The following PCLO variants were observed in gnomAD, a reference collection of about 807,000 sequenced individuals.
PCLO encodes the protein protein piccolo.
In PCLO, 82 loss-of-function variants were observed where a neutral mutation model predicts 427.5. That is an observed-to-expected ratio of 0.19 (90% CI 0.16 to 0.23). The LOEUF is 0.23. Ranked by LOEUF, PCLO falls within the 10% of genes least tolerant of loss-of-function variation. The probability of loss-of-function intolerance (pLI) is 1.00; values close to 1 mark genes in which losing one functional copy is unlikely to be tolerated. For synonymous variants in PCLO, 2,357 were observed against 2,155.4 expected, an observed-to-expected ratio of 1.09 and a Z score of -2.59; for missense variants, 6,239 against 6,115.9, an observed-to-expected ratio of 1.02 and a Z score of -0.67.
chr7:82,998,140 GA>G lies in PCLO; in HGVS notation c.3301-31654del, dbSNP rs531922177. Among the ~76,000 whole-genome samples the G allele has an allele frequency of 2.2e-4, 34 of 152,076 alleles. 1 individual carries two copies. The South Asian group carries it at 6.6e-3, about 30-fold the overall frequency. ...TCTACGGAAACCAGTACTGGGGCTG[GA>G]AAACCTGAACTTTAATTGACAAATT... On this transcript the variant is annotated intron_variant, in intron 3 of 24. Coordinates refer to ENST00000333891, the MANE Select transcript of PCLO (RefSeq NM_033026.6).
intron 9 of PCLO, among the ~76,000 whole-genome samples, chr7:82,887,751 T>A (rs896891424): frequency 6.6e-6 from 1 of 152,200 alleles, no homozygotes; most frequent in Non-Finnish European, 1.5e-5. Context: ...AGATTCAATC[T>A]GAGCTTTACT....
chr7:83,162,642 A>G lies in PCLO; in HGVS notation c.-50T>C. 2 of 1,483,134 alleles carry G rather than the reference A, an allele frequency of 1.3e-6. No individual in the cohort carries two copies. The highest frequency in any genetic ancestry group is 1.8e-6 in the Non-Finnish European group (2 of 1,121,814). 91.9% of individuals were successfully genotyped at this position (1,483,134 alleles called of 1,614,324 possible). A position where few individuals can be genotyped will look rare whatever the true frequency, so the allele number is the denominator to read the frequency against. On this transcript the variant is annotated 5_prime_UTR_variant, in exon 1 of 25. Transcript: ENST00000333891. ...GCGCTCCCTCCTCGCGCCGCGTCCCAGTCGAGAAGCCCGCGGCCAGGGGAG... is the reference window on the plus strand; with the variant it reads ...GCGCTCCCTCCTCGCGCCGCGTCCCGGTCGAGAAGCCCGCGGCCAGGGGAG...
intron 3 of PCLO, among the ~76,000 whole-genome samples, chr7:83,043,829 A>G (rs1789029773): frequency 6.6e-6 from 1 of 151,816 alleles, no homozygotes; most frequent in Non-Finnish European, 1.5e-5. Flanking sequence ...TTACTTTCCA[A>G]TTATAGAAGA....
intron 3 of PCLO, among the ~76,000 whole-genome samples, chr7:83,088,482 A>C (rs897485642): frequency 2.6e-5 from 4 of 152,176 alleles, no homozygotes; most frequent in Non-Finnish European, 5.9e-5. Flanking sequence ...CCTGTATCTC[A>C]TCCACTTCAT....
rs181353959 is a variant in PCLO at position 83,113,876 on chromosome 7, T to C, written c.3300+20374A>G. On this transcript the variant is annotated intron_variant, in intron 3 of 24. Coordinates refer to ENST00000333891, the MANE Select transcript of PCLO (RefSeq NM_033026.6). ...AATAAGGTGGTCAGAGTAGACCTCATTGAAATCATATTTAGTCAAATAATT... is the reference window on the plus strand; with the variant it reads ...AATAAGGTGGTCAGAGTAGACCTCACTGAAATCATATTTAGTCAAATAATT... Among the ~76,000 whole-genome samples, 138 of 152,288 alleles carry C rather than the reference T, an allele frequency of 9.1e-4. No individual in the cohort carries two copies. In the Middle Eastern group the frequency reaches 0.01, roughly 11 times the overall value.
chr7:82,797,822 G>T (rs1321231142), intron 22 of PCLO, among the ~76,000 whole-genome samples: 1 of 152,016 alleles, frequency 6.6e-6, no homozygotes, highest in Non-Finnish European at 1.5e-5. Flanking sequence ...ATCTCATGCT[G>T]GGATTAAAAT....
At chr7:82,961,795 C>T (rs1002492063) in intron 4 of PCLO, among the ~76,000 whole-genome samples, 5 of 152,100 alleles carry the variant, frequency 3.3e-5, no homozygotes, top group African/African-American at 9.7e-5. Flanking sequence ...CTCACCTTTA[C>T]GTTGAAGTTT....
chr7:82,811,772 C>T (rs1290950527), intron 20 of PCLO, among the ~76,000 whole-genome samples: 1 of 151,462 alleles, frequency 6.6e-6, no homozygotes, highest in African/African-American at 2.4e-5. Flanking sequence ...CACACACCAC[C>T]AAATCACAAG....
At chr7:82,872,591 A>T (rs184740541) in intron 10 of PCLO, among the ~76,000 whole-genome samples, 1 of 152,276 alleles carries the variant, frequency 6.6e-6, no homozygotes, top group African/African-American at 2.4e-5. Context: ...TTATTTGACA[A>T]GATTGATAGT....
intron 6 of PCLO, among the ~76,000 whole-genome samples, chr7:82,948,194 C>G (rs2116409904): frequency 6.6e-6 from 1 of 151,838 alleles, no homozygotes; most frequent in South Asian, 2.1e-4. Context: ...TCTCTGTATA[C>G]TGGATGAAAT....
chr7:82,915,709 C>G lies in PCLO; in HGVS notation c.12277G>C (p.Asp4093His), dbSNP rs1377292506. 6 of 1,612,648 alleles carry G rather than the reference C, an allele frequency of 3.7e-6. No individual in the cohort carries two copies. The highest frequency in any genetic ancestry group is 1.1e-5 in the South Asian group (1 of 91,010). The change falls in exon 7 of 25, where the codon GAT becomes CAT. Residue 4093 changes from aspartate to histidine, a missense_variant. This residue lies in a region of PCLO where 680 missense variants were observed against 677.3 expected (regional missense o/e 1.00). Coordinates refer to ENST00000333891, the MANE Select transcript of PCLO (RefSeq NM_033026.6). ...TETRRSQEVTDFLAPLQSSSR... is the reference protein window; with the variant it reads ...TETRRSQEVTHFLAPLQSSSR... ...GAAGACTGTAAAGGTGCTAGGAAAT[C>G]TGTCACTTCTTGAGACCGGCGTGTC...
At chr7:83,061,481 A>C (rs538970168) in intron 3 of PCLO, among the ~76,000 whole-genome samples, 1 of 152,320 alleles carries the variant, frequency 6.6e-6, no homozygotes, top group East Asian at 1.9e-4. Context: ...ATAAAATCAA[A>C]AGAGTGACAA....
chr7:82,868,979 C>G (rs1011910515), intron 10 of PCLO, among the ~76,000 whole-genome samples: 10 of 151,980 alleles, frequency 6.6e-5, no homozygotes, highest in Admixed American at 3.9e-4. Flanking sequence ...ATTCATTGTT[C>G]TCTTACAAAA....
At chr7:82,806,661 C>T (rs553745004) in intron 20 of PCLO, among the ~76,000 whole-genome samples, 2 of 152,264 alleles carry the variant, frequency 1.3e-5, no homozygotes, top group Non-Finnish European at 2.9e-5. Context: ...TGATATTTGT[C>T]TTCCGCCAGA....
At chr7:83,021,565 A>G (rs1351864272) in intron 3 of PCLO, among the ~76,000 whole-genome samples, 1 of 152,180 alleles carries the variant, frequency 6.6e-6, no homozygotes, top group African/African-American at 2.4e-5. Context: ...AAATCAATAG[A>G]CATTGTCTCT....
rs550679114 is a variant in PCLO, at chr7:83,115,873, C to T, written c.3300+18377G>A. 3.3e-5 allele frequency among the ~76,000 whole-genome samples: 5 copies of T among 152,050 alleles called. No homozygotes were observed. The South Asian group carries it at 6.2e-4, about 19-fold the overall frequency. ...GTCATATCATCCCCCCAAATTAAAC[C>T]TTGGGGTGTCTTCAGTCCCAAACTC... On this transcript the variant is annotated intron_variant, in intron 3 of 24. Coordinates refer to ENST00000333891, the MANE Select transcript of PCLO (RefSeq NM_033026.6).
In PCLO at chr7:82,794,459, CTTTTTT is replaced by C. The variant is rs778108792; in HGVS notation, c.15007+7053_15007+7058del. ...ACATGCTAGTTCATAAATTTTTTTT[CTTTTTT>C]TTTTTTTTTTTTTTTTTTTTTTTTG... On this transcript the variant is annotated intron_variant, in intron 22 of 24. Coordinates refer to ENST00000333891, the MANE Select transcript of PCLO (RefSeq NM_033026.6). Among the ~76,000 whole-genome samples the C allele has an allele frequency of 1.6e-3, 92 of 56,370 alleles. 3 individuals are homozygous for C. The highest frequency in any genetic ancestry group is 2.2e-3 in the Admixed American group (8 of 3,688). 37.0% of individuals were successfully genotyped at this position (56,370 alleles called of 152,430 possible).
chr7:82,818,683 C>G (rs992418324), intron 20 of PCLO, among the ~76,000 whole-genome samples: 3 of 152,138 alleles, frequency 2.0e-5, no homozygotes, highest in African/African-American at 7.2e-5. Context: ...TTATATTTGT[C>G]GGTTCTGAAA....
chr7:82,929,091 A>G (rs913326275), intron 6 of PCLO, among the ~76,000 whole-genome samples: 4 of 152,182 alleles, frequency 2.6e-5, no homozygotes, highest in Non-Finnish European at 5.9e-5. Flanking sequence ...CTAAGGGTCA[A>G]GAGCAAGAAA....
Sources: allele counts gnomAD v4.1 joint callset (sites outside exome capture counted in the v4.1 genomes callset), GRCh38; gene constraint gnomAD v4.1.1; regional missense constraint gnomAD v4.1.1; transcripts MANE v1.5; gene names NCBI Gene and HGNC (gene_info 2026-07-23, HGNC 2026-07-21).